The following ADAM18 variants were observed in gnomAD, a reference collection of about 807,000 sequenced individuals.
The protein encoded by ADAM18 is ADAM metallopeptidase domain 18.
A neutral mutation model predicts 94.4 loss-of-function variants in ADAM18; 117 were observed. That is an observed-to-expected ratio of 1.24 (90% CI 1.07 to 1.45). The LOEUF (loss-of-function observed/expected upper bound fraction) is 1.45, where lower values mean the gene tolerates loss of function less well. Ranked by LOEUF, ADAM18 falls within the 40% of genes most tolerant of loss-of-function variation. ADAM18 has a pLI of 0.00. For synonymous variants in ADAM18, 327 were observed against 291.6 expected (o/e 1.12, Z -1.24); for missense variants, 936 against 880.0 (o/e 1.06, Z -0.81).
At chr8:39,589,300 A>G (rs1585871379) in intron 2 of ADAM18, among the ~76,000 whole-genome samples, 1 of 152,188 alleles carries the variant, frequency 6.6e-6, no homozygotes, top group East Asian at 1.9e-4. Context: ...GGCACATTAT[A>G]TCTTACTCAG....
intron 6 of ADAM18, chr8:39,611,708 T>A: frequency 1.6e-6 from 1 of 623,796 alleles, no homozygotes; most frequent in Middle Eastern, 8.2e-4. Context: ...GGTTGCAGAT[T>A]AAATCATTAT....
At chr8:39,688,219 T>C (rs1227735666) in intron 16 of ADAM18, among the ~76,000 whole-genome samples, 1 of 152,212 alleles carries the variant, frequency 6.6e-6, no homozygotes, top group African/African-American at 2.4e-5. Context: ...TGAACTTTTT[T>C]TTCTATTTCT....
chr8:39,634,870 G>T (rs990372408), intron 7 of ADAM18, among the ~76,000 whole-genome samples: 2 of 152,154 alleles, frequency 1.3e-5, no homozygotes, highest in Admixed American at 1.3e-4. Flanking sequence ...ATTTGGATGG[G>T]ATGAAGGTAT....
intron 12 of ADAM18, among the ~76,000 whole-genome samples, chr8:39,656,540 C>T (rs776016885): frequency 3.3e-5 from 5 of 151,778 alleles, no homozygotes; most frequent in East Asian, 3.9e-4. Flanking sequence ...AAAACATAAG[C>T]GAATATGTAG....
intron 14 of ADAM18, among the ~76,000 whole-genome samples, chr8:39,676,602 G>A (rs1821308315): frequency 2.6e-3 from 1 of 386 alleles, no homozygotes; most frequent in African/African-American, 0.013. Context: ...GCTCTTCTTG[G>A]GCAGGGGCAA....
intron 10 of ADAM18, among the ~76,000 whole-genome samples, chr8:39,641,374 C>T (rs1199534888): frequency 2.0e-5 from 3 of 152,022 alleles, no homozygotes; most frequent in Non-Finnish European, 2.9e-5. Flanking sequence ...GTACCAATAC[C>T]ATGCTGTTTT....
intron 6 of ADAM18, 124 bp downstream of exon 6, chr8:39,610,830 C>A: frequency 7.7e-7 from 1 of 1,296,914 alleles, no homozygotes. Flanking sequence ...ATTTTTCTAC[C>A]TTTAAATAAA....
At chr8:39,647,047 A>C (rs886243994) in intron 11 of ADAM18, among the ~76,000 whole-genome samples, 1 of 151,998 alleles carries the variant, frequency 6.6e-6, no homozygotes, top group African/African-American at 2.4e-5. Flanking sequence ...GAGACTGAGA[A>C]AAGAAATAAG....
Position 39,593,666 on chromosome 8 carries a change from T to C in ADAM18, c.132+8314T>C, listed in dbSNP as rs537951937. Among the ~76,000 whole-genome samples, 9 of 152,236 alleles carry C rather than the reference T, an allele frequency of 5.9e-5. No homozygotes were observed. The East Asian group carries it at 1.7e-3, about 29-fold the overall frequency. On this transcript the variant is annotated intron_variant, in intron 2 of 19. Transcript: ENST00000265707. ...GGGGAAGGATAGTCGAAAGACTATC[T>C]TCTGTCAGGTTTTGCTTCTTATATT...
At chr8:39,613,680 C>A (rs558207096) in intron 6 of ADAM18, among the ~76,000 whole-genome samples, 16 of 152,188 alleles carry the variant, frequency 1.1e-4, no homozygotes, top group African/African-American at 3.9e-4. Flanking sequence ...CAATAAAGAT[C>A]ATCAAGATTT....
intron 6 of ADAM18, among the ~76,000 whole-genome samples, chr8:39,626,555 C>A (rs942978808): frequency 2.6e-5 from 4 of 152,012 alleles, no homozygotes; most frequent in African/African-American, 7.2e-5. Flanking sequence ...ATAAACTTTC[C>A]TCTCAGCGCT....
chr8:39,692,573 G>A (rs1821811884), intron 16 of ADAM18, 27 bp from the exon 17 acceptor site: 1 of 1,456,114 alleles, frequency 6.9e-7, no homozygotes, highest in Non-Finnish European at 9.4e-7. Context: ...TTTGTGAATT[G>A]TAAAATTTTT....
At chr8:39,693,234 G>T (rs1821830185) in intron 17 of ADAM18, among the ~76,000 whole-genome samples, 1 of 151,428 alleles carries the variant, frequency 6.6e-6, no homozygotes, top group African/African-American at 2.4e-5. Flanking sequence ...GAAAATCAGT[G>T]TGTGATATAG....
Position 39,585,312 on chromosome 8 carries a change from G to C in ADAM18, c.92G>C (p.Arg31Pro). The C allele has an allele frequency of 6.2e-7, 1 of 1,613,460 alleles. No homozygotes were observed. Among genetic ancestry groups the C allele is most frequent in the South Asian group, 1.1e-5 (1 of 90,918 alleles). ...ATATTTCTGCATGTCACAGTTCCAC[G>C]GAAGATTAAGTCAAATGACAGTGAA... ...EGIFLHVTVP[R>P]KIKSNDSEVS... The change falls in exon 2 of 20, where the codon CGG becomes CCG. Residue 31 changes from arginine (R) to proline (P), a missense_variant. Coordinates refer to ENST00000265707, the MANE Select transcript of ADAM18 (RefSeq NM_014237.3).
intron 12 of ADAM18, among the ~76,000 whole-genome samples, chr8:39,660,532 C>T (rs1458847515): frequency 1.3e-5 from 2 of 152,074 alleles, no homozygotes; most frequent in African/African-American, 2.4e-5. Flanking sequence ...TGGTATAATT[C>T]ATCAAGAATA....
intron 15 of ADAM18, among the ~76,000 whole-genome samples, chr8:39,678,761 A>G (rs1412236094): frequency 2.6e-5 from 4 of 152,242 alleles, no homozygotes; most frequent in African/African-American, 7.2e-5. Flanking sequence ...ACATGACTCC[A>G]TTGGACTTTG....
chr8:39,623,486 C>A (rs1380226006), intron 6 of ADAM18, among the ~76,000 whole-genome samples: 1 of 145,588 alleles, frequency 6.9e-6, no homozygotes, highest in Admixed American at 7.1e-5. Flanking sequence ...GAAATAAGTT[C>A]CCTTTTCACC....
chr8:39,656,832 C>T (rs536610290), intron 12 of ADAM18, among the ~76,000 whole-genome samples: 1 of 152,084 alleles, frequency 6.6e-6, no homozygotes, highest in Non-Finnish European at 1.5e-5. Flanking sequence ...CTCAGCATCC[C>T]AAAATGCAGA....
At chr8:39,692,783 G>A (rs1331794553) in intron 17 of ADAM18, 103 bp downstream of exon 17, 2 of 796,934 alleles carry the variant, frequency 2.5e-6, no homozygotes, top group Admixed American at 2.9e-5. Flanking sequence ...CCTAGCTCTG[G>A]TAGACTAATA....
Sources: allele counts gnomAD v4.1 joint callset (sites outside exome capture counted in the v4.1 genomes callset), GRCh38; gene constraint gnomAD v4.1.1; transcripts MANE v1.5; gene names NCBI Gene and HGNC (gene_info 2026-07-23, HGNC 2026-07-21).